FBXO34: variants seen among roughly 807,000 people sequenced by gnomAD.
FBXO34 encodes F-box protein 34, also known as F-box only protein 34.
A neutral mutation model predicts 24.5 loss-of-function variants in FBXO34; 12 were observed. That is an observed-to-expected ratio of 0.49 (90% CI 0.31 to 0.79). The LOEUF (loss-of-function observed/expected upper bound fraction) is 0.79. Ranked by LOEUF, FBXO34 falls within the 30% of genes least tolerant of loss-of-function variation. The pLI is 0.04. For synonymous variants in FBXO34, 320 were observed against 311.9 expected (o/e 1.03, Z -0.27); for missense variants, 823 against 857.7 (o/e 0.96, Z 0.51).
intron 1 of FBXO34, among the ~76,000 whole-genome samples, chr14:55,276,337 CT>C (rs1307507366): frequency 4.6e-5 from 7 of 152,196 alleles, no homozygotes; most frequent in African/African-American, 1.7e-4. Flanking sequence ...CCCACCACCC[CT>C]ATATTGTTAG....
chr14:55,299,514 G>C (rs564132380), intron 1 of FBXO34, among the ~76,000 whole-genome samples: 1 of 152,108 alleles, frequency 6.6e-6, no homozygotes, highest in Non-Finnish European at 1.5e-5. Context: ...GCAAATTCTA[G>C]ATATGTCATA....
At chr14:55,365,597 T>C (rs962228123), downstream of FBXO34, among the ~76,000 whole-genome samples, 1 of 152,192 alleles carries the variant, frequency 6.6e-6, no homozygotes, top group Non-Finnish European at 1.5e-5. Flanking sequence ...ATCTGTTTCC[T>C]GCATCAATCA....
the FBXO34 span, among the ~76,000 whole-genome samples, chr14:55,420,842 G>A: frequency 6.6e-6 from 1 of 152,072 alleles, no homozygotes; most frequent in Admixed American, 6.5e-5. Flanking sequence ...GGTGGATCAC[G>A]AGGTCAGGAG....
At chr14:55,390,227 C>T in the FBXO34 span, among the ~76,000 whole-genome samples, 8,853 of 152,094 alleles carry the variant, frequency 0.058, 320 homozygotes, top group South Asian at 0.09. Flanking sequence ...CCTGCCACCA[C>T]GCCCGGCTAA....
At chr14:55,272,470 A>C (rs1881185266) in intron 1 of FBXO34, among the ~76,000 whole-genome samples, 1 of 151,978 alleles carries the variant, frequency 6.6e-6, no homozygotes, top group African/African-American at 2.4e-5. Flanking sequence ...GATAGTTTGC[A>C]ATCAGAATTA....
chr14:55,440,455 G>A, the FBXO34 span: 25 of 1,611,482 alleles, frequency 1.6e-5, no homozygotes, highest in Admixed American at 4.2e-4. Flanking sequence ...TCCATGGACC[G>A]TAATCCCACT....
At chr14:55,411,597 C>T in the FBXO34 span, 2 of 1,604,532 alleles carry the variant, frequency 1.2e-6, no homozygotes, top group Non-Finnish European at 1.7e-6. Context: ...TGGCGGCCGC[C>T]GTACCTCTCC....
chr14:55,439,608 A>T, the FBXO34 span, among the ~76,000 whole-genome samples: 1 of 59,034 alleles, frequency 1.7e-5, no homozygotes, highest in Non-Finnish European at 3.1e-5. Flanking sequence ...CTGGGGAGAA[A>T]AGCAAACCCC....
chr14:55,311,463 A>G (rs992611711), intron 1 of FBXO34, among the ~76,000 whole-genome samples: 1 of 152,182 alleles, frequency 6.6e-6, no homozygotes, highest in Non-Finnish European at 1.5e-5. Context: ...ATGCCTTCCC[A>G]GCAGCCCCCC....
At chr14:55,275,953 A>G (rs2139625089) in intron 1 of FBXO34, among the ~76,000 whole-genome samples, 1 of 131,624 alleles carries the variant, frequency 7.6e-6, no homozygotes, top group South Asian at 2.4e-4. Flanking sequence ...TCATAGCCCA[A>G]GACAGACAAA....
chr14:55,305,149 A>G (rs1459448946), intron 1 of FBXO34, among the ~76,000 whole-genome samples: 1 of 152,246 alleles, frequency 6.6e-6, no homozygotes, highest in African/African-American at 2.4e-5. Context: ...CTGATGGCTC[A>G]TGCCTATAAT....
chr14:55,436,481 C>G, the FBXO34 span: 1 of 1,228,662 alleles, frequency 8.1e-7, no homozygotes, highest in East Asian at 2.3e-5. Flanking sequence ...CTACTATTAT[C>G]CTGAAATTAG....
At chr14:55,273,957 C>T (rs1297010244) in intron 1 of FBXO34, among the ~76,000 whole-genome samples, 1 of 152,158 alleles carries the variant, frequency 6.6e-6, no homozygotes, top group Non-Finnish European at 1.5e-5. Context: ...CGGTGCGTGC[C>T]ACCATGCCCG....
the FBXO34 span, among the ~76,000 whole-genome samples, chr14:55,410,877 C>T: frequency 1.3e-5 from 2 of 152,060 alleles, no homozygotes; most frequent in African/African-American, 4.8e-5. Context: ...GATCCTGCAG[C>T]TAATCACACT....
the FBXO34 span, among the ~76,000 whole-genome samples, chr14:55,440,098 A>AAATCAATCAATC: frequency 5.4e-4 from 82 of 151,358 alleles, no homozygotes; most frequent in Middle Eastern, 3.4e-3. Context: ...TCTCAGAGAA[A>AAATCAATCAATC]AATCAATCAA....
chr14:55,362,253 A>T (rs1375686979), downstream of FBXO34, among the ~76,000 whole-genome samples: 2 of 152,232 alleles, frequency 1.3e-5, no homozygotes, highest in Non-Finnish European at 2.9e-5. Context: ...CAGTTAGAAT[A>T]CACACATTTA....
At chr14:55,333,979 A>G (rs1236390802) in intron 1 of FBXO34, among the ~76,000 whole-genome samples, 4 of 152,142 alleles carry the variant, frequency 2.6e-5, no homozygotes, top group African/African-American at 9.7e-5. Flanking sequence ...AGTTAAACTG[A>G]TAGTATTAAG....
At chr14:55,276,765 C>T (rs531289926) in intron 1 of FBXO34, among the ~76,000 whole-genome samples, 124 of 152,274 alleles carry the variant, frequency 8.1e-4, no homozygotes, top group African/African-American at 2.9e-3. Context: ...GTGATAGATT[C>T]GGGGCTTTGG....
downstream of FBXO34, chr14:55,355,166 C>A (rs1281469364): frequency 6.6e-6 from 1 of 152,222 alleles, no homozygotes; most frequent in East Asian, 1.9e-4. Context: ...TCTCCCCTGC[C>A]CAGTGGATGG....
Sources: allele counts gnomAD v4.1 joint callset (sites outside exome capture counted in the v4.1 genomes callset), GRCh38; gene constraint gnomAD v4.1.1; transcripts MANE v1.5; gene names NCBI Gene and HGNC (gene_info 2026-07-23, HGNC 2026-07-21).